The following CDH4 variants were observed in gnomAD, a reference collection of about 807,000 sequenced individuals.
CDH4 encodes cadherin 4, also known as cadherin-4.
CDH4 carries 33 observed loss-of-function variants against 86.0 expected under a neutral mutation model. The observed-to-expected ratio is 0.38, with a 90% confidence interval of 0.29 to 0.51. The LOEUF (loss-of-function observed/expected upper bound fraction) is 0.51. Ranked by LOEUF, CDH4 falls within the 20% of genes least tolerant of loss-of-function variation. The pLI is 0.86. For missense variants in CDH4, 1,114 were observed against 1,307.4 expected, an observed-to-expected ratio of 0.85 and a Z score of 2.28; for synonymous variants, 555 against 549.4, an observed-to-expected ratio of 1.01 and a Z score of -0.14.
intron 3 of CDH4, among the ~76,000 whole-genome samples, chr20:61,759,320 G>A (rs1271931807): frequency 6.6e-6 from 1 of 152,208 alleles, no homozygotes; most frequent in African/African-American, 2.4e-5. Context: ...CAGTGAGAAA[G>A]GGGTCATGGA....
intron 2 of CDH4, among the ~76,000 whole-genome samples, chr20:61,473,106 A>G (rs928032422): frequency 6.6e-6 from 1 of 152,224 alleles, no homozygotes; most frequent in African/African-American, 2.4e-5. Flanking sequence ...CCAACATTAC[A>G]TCATCGAATG....
chr20:61,686,434 T>C (rs758158948), intron 2 of CDH4, among the ~76,000 whole-genome samples: 4 of 149,332 alleles, frequency 2.7e-5, no homozygotes, highest in Non-Finnish European at 5.9e-5. Context: ...CGTGTGTATG[T>C]GCGTGTGCGT....
intron 2 of CDH4, among the ~76,000 whole-genome samples, chr20:61,404,341 A>G (rs1255914795): frequency 6.6e-6 from 1 of 152,100 alleles, no homozygotes; most frequent in Admixed American, 6.5e-5. Context: ...GCTTCTCTGG[A>G]AAGTTGGGTT....
rs368574731 is a variant in CDH4, at chr20:61,806,038, C to T, written c.576+32856C>T. ...GGAAACCTCGCCTGGGGGCTCCTTCCGCTCTGTGGCACCCAGTACTGAAAG... is the reference window on the plus strand; with the variant it reads ...GGAAACCTCGCCTGGGGGCTCCTTCTGCTCTGTGGCACCCAGTACTGAAAG... On this transcript the variant is annotated intron_variant, in intron 4 of 15. Transcript: ENST00000614565. 7.2e-5 allele frequency among the ~76,000 whole-genome samples: 11 copies of T among 152,292 alleles called. No individual in the cohort carries two copies. In the East Asian group the frequency reaches 7.7e-4, roughly 11 times the overall value.
At chr20:61,698,031 A>C (rs6089263) in intron 2 of CDH4, among the ~76,000 whole-genome samples, 44,538 of 152,208 alleles carry the variant, frequency 0.29, 7,423 homozygotes, top group East Asian at 0.45. Context: ...GCTCAGGCTC[A>C]TCACTGAGCT....
At chr20:61,900,036 G>C (rs3787405) in intron 8 of CDH4, among the ~76,000 whole-genome samples, 10 of 152,040 alleles carry the variant, frequency 6.6e-5, no homozygotes, top group Middle Eastern at 3.2e-3. Flanking sequence ...GTCCCTCCTC[G>C]GAAGTGACCC....
intron 7 of CDH4, among the ~76,000 whole-genome samples, chr20:61,887,242 C>T (rs150091694): frequency 6.5e-4 from 99 of 152,304 alleles, no homozygotes; most frequent in Admixed American, 1.2e-3. Context: ...GCCCTGCCAA[C>T]GGGAAGGCCA....
At chr20:61,492,467 T>C (rs1453197788) in intron 2 of CDH4, among the ~76,000 whole-genome samples, 1 of 152,180 alleles carries the variant, frequency 6.6e-6, no homozygotes, top group Non-Finnish European at 1.5e-5. Flanking sequence ...ATGTTGGTGA[T>C]GTTGATGTTC....
chr20:61,576,250 T>C (rs2086381787), intron 2 of CDH4, among the ~76,000 whole-genome samples: 2 of 152,196 alleles, frequency 1.3e-5, no homozygotes, highest in African/African-American at 4.8e-5. Flanking sequence ...CAGCGACGTG[T>C]CAGATTCATC....
intron 2 of CDH4, among the ~76,000 whole-genome samples, chr20:61,630,565 C>T (rs563827617): frequency 6.6e-6 from 1 of 152,338 alleles, no homozygotes; most frequent in South Asian, 2.1e-4. Flanking sequence ...CCGTTTTGCA[C>T]TGCTCTTGCA....
chr20:61,714,018 CT>C (rs960115596), intron 2 of CDH4, among the ~76,000 whole-genome samples: 1 of 129,634 alleles, frequency 7.7e-6, no homozygotes, highest in African/African-American at 3.5e-5. Flanking sequence ...ATTGTCTATT[CT>C]TTTTTTATTT....
intron 2 of CDH4, among the ~76,000 whole-genome samples, chr20:61,317,461 C>T (rs114717731): frequency 6.6e-6 from 1 of 152,094 alleles, no homozygotes; most frequent in Non-Finnish European, 1.5e-5. Context: ...CCCCCACCCT[C>T]GTGACCTGAT....
At chr20:61,557,254 C>T (rs377079844) in intron 2 of CDH4, among the ~76,000 whole-genome samples, 5 of 152,308 alleles carry the variant, frequency 3.3e-5, no homozygotes, top group African/African-American at 1.2e-4. Context: ...CCAATGACAA[C>T]ACACTGCCAT....
At chr20:61,772,395 G>A (rs1046183285) in intron 3 of CDH4, among the ~76,000 whole-genome samples, 9 of 152,172 alleles carry the variant, frequency 5.9e-5, no homozygotes, top group African/African-American at 1.9e-4. Flanking sequence ...ACTTAGATAT[G>A]CATTATTTGA....
chr20:61,847,711 T>C (rs1412281728), intron 5 of CDH4, among the ~76,000 whole-genome samples: 2 of 152,148 alleles, frequency 1.3e-5, no homozygotes, highest in Non-Finnish European at 1.5e-5. Context: ...GGCATCTCCT[T>C]CTGGGGAGGC....
intron 2 of CDH4, among the ~76,000 whole-genome samples, chr20:61,461,065 G>T (rs921461362): frequency 4.6e-5 from 7 of 152,100 alleles, no homozygotes; most frequent in African/African-American, 1.7e-4. Flanking sequence ...CCTAATACAG[G>T]ACTTGGTTGC....
At position 61,802,915 on chromosome 20, in the gene CDH4, C is replaced by T. The variant is rs143745960; in HGVS notation, c.576+29733C>T. On this transcript the variant is annotated intron_variant, in intron 4 of 15. Transcript: ENST00000614565. ...TGCGGGATAGTCGCAGGCTGGCTCTCGCTGGAGGGGCTTCTCCGAATTCTG... is the reference window on the plus strand; with the variant it reads ...TGCGGGATAGTCGCAGGCTGGCTCTTGCTGGAGGGGCTTCTCCGAATTCTG... 6.5e-3 allele frequency among the ~76,000 whole-genome samples: 996 copies of T among 152,344 alleles called. 14 individuals carry two copies. Among genetic ancestry groups the T allele is most frequent in the African/African-American group, 0.023 (956 of 41,580 alleles).
At chr20:61,323,708 A>C (rs552333329) in intron 2 of CDH4, among the ~76,000 whole-genome samples, 7 of 152,150 alleles carry the variant, frequency 4.6e-5, no homozygotes, top group African/African-American at 1.7e-4. Context: ...TTGGGGCCAC[A>C]GGGACTGTGG....
intron 4 of CDH4, among the ~76,000 whole-genome samples, chr20:61,803,607 T>C (rs969469064): frequency 2.6e-5 from 4 of 152,328 alleles, no homozygotes; most frequent in Non-Finnish European, 5.9e-5. Flanking sequence ...CCTGGTGGCC[T>C]GGAGGGTGGG....
Sources: allele counts gnomAD v4.1 joint callset (sites outside exome capture counted in the v4.1 genomes callset), GRCh38; gene constraint gnomAD v4.1.1; transcripts MANE v1.5; gene names NCBI Gene and HGNC (gene_info 2026-07-23, HGNC 2026-07-21).